The following NVL variants were observed in gnomAD, a reference collection of about 807,000 sequenced individuals.
The protein encoded by NVL is nuclear valosin-containing protein-like.
Under a neutral mutation model 110.2 loss-of-function variants are expected in NVL, and 84 were observed. That is an observed-to-expected ratio of 0.76 (90% CI 0.64 to 0.91). NVL has a LOEUF of 0.91. Ranked by LOEUF, NVL falls within the 40% of genes least tolerant of loss-of-function variation. The pLI is 0.00. For synonymous variants in NVL, 354 were observed against 361.1 expected, an observed-to-expected ratio of 0.98 and a Z score of 0.22; for missense variants, 882 against 1,035.9, an observed-to-expected ratio of 0.85 and a Z score of 2.04.
intron 18 of NVL, among the ~76,000 whole-genome samples, chr1:224,259,186 TCAAG>T (rs1663655312): frequency 6.6e-6 from 1 of 151,760 alleles, no homozygotes; most frequent in Non-Finnish European, 1.5e-5. Flanking sequence ...CCTTCTAGGT[TCAAG>T]CGATTCTCCT....
intron 4 of NVL, among the ~76,000 whole-genome samples, chr1:224,316,736 G>A (rs1261627685): frequency 2.0e-5 from 3 of 151,812 alleles, no homozygotes; most frequent in Admixed American, 6.6e-5. Flanking sequence ...ATTGCAAAGC[G>A]GAACAAGAAG....
intron 18 of NVL, among the ~76,000 whole-genome samples, chr1:224,259,468 A>G (rs956855999): frequency 6.6e-6 from 1 of 152,172 alleles, no homozygotes; most frequent in Non-Finnish European, 1.5e-5. Context: ...ATTGAATGAT[A>G]TACTTAAAAT....
At chr1:224,250,095 G>T in intron 19 of NVL, 117 bp downstream of exon 19, 1 of 965,442 alleles carries the variant, frequency 1.0e-6, no homozygotes, top group Non-Finnish European at 1.5e-6. Flanking sequence ...ATATAGGCTG[G>T]GCAAACACAG....
Position 224,231,221 on chromosome 1 carries a change from CT to C in NVL, c.2526+4del. 1.2e-6 allele frequency: 2 copies of C among 1,603,412 alleles called. No individual in the cohort carries two copies. Among genetic ancestry groups the C allele is most frequent in the Non-Finnish European group, 1.7e-6 (2 of 1,171,800 alleles). On this transcript the variant is annotated splice_donor_region_variant and intron_variant, in intron 22 of 22. Coordinates refer to ENST00000281701, the MANE Select transcript of NVL (RefSeq NM_002533.4). ...TTTCTCTATGCATTTAATGGCATTG[CT>C]TACCTTTTTTGATATAGATGATCTT...
At chr1:224,251,475 T>TA (rs1047779552) in intron 18 of NVL, among the ~76,000 whole-genome samples, 12 of 151,516 alleles carry the variant, frequency 7.9e-5, no homozygotes, top group Admixed American at 5.9e-4. Context: ...CTGTGCCTAC[T>TA]AAAAAAAACA....
intron 17 of NVL, among the ~76,000 whole-genome samples, chr1:224,270,487 G>A (rs1571898039): frequency 6.6e-6 from 1 of 152,182 alleles, no homozygotes; most frequent in East Asian, 1.9e-4. Context: ...GAACCCGGGA[G>A]GCGGAGGCTG....
At chr1:224,288,618 T>A (rs1201077499) in intron 13 of NVL, among the ~76,000 whole-genome samples, 1 of 152,136 alleles carries the variant, frequency 6.6e-6, no homozygotes, top group Non-Finnish European at 1.5e-5. Context: ...TTCAAATGTC[T>A]AAGAAAAAAA....
At chr1:224,322,773 G>A (rs745602197) in intron 2 of NVL, among the ~76,000 whole-genome samples, 1 of 152,154 alleles carries the variant, frequency 6.6e-6, no homozygotes, top group Non-Finnish European at 1.5e-5. Context: ...GGGCAACACA[G>A]TGAAACCCTG....
chr1:224,316,574 AAGG>A (rs76174020), intron 4 of NVL, among the ~76,000 whole-genome samples: 137,959 of 150,192 alleles, frequency 0.92, 63,585 homozygotes, highest in Middle Eastern at 0.98. Flanking sequence ...TGGGAGGCTG[AAGG>A]AGAAGAATCA....
chr1:224,275,229 A>T (rs1665638038), intron 17 of NVL, 110 bp downstream of exon 17: 3 of 1,222,824 alleles, frequency 2.5e-6, no homozygotes, highest in Admixed American at 4.1e-5. Context: ...GTCTTCATTA[A>T]GAGTCTCAAT....
intron 2 of NVL, among the ~76,000 whole-genome samples, chr1:224,319,059 G>A (rs1320572742): frequency 6.9e-6 from 1 of 144,516 alleles, no homozygotes; most frequent in East Asian, 2.1e-4. Context: ...GGAGGCTGAG[G>A]CAGGAGAATC....
At chr1:224,285,882 G>T in intron 15 of NVL, 144 bp downstream of exon 15, 1 of 581,778 alleles carries the variant, frequency 1.7e-6, no homozygotes, top group Non-Finnish European at 3.0e-6. Flanking sequence ...AAACTTTAAT[G>T]AAGAAAGTTG....
chr1:224,272,304 C>T (rs1303951511), intron 17 of NVL, among the ~76,000 whole-genome samples: 1 of 151,300 alleles, frequency 6.6e-6, no homozygotes, highest in Non-Finnish European at 1.5e-5. Context: ...GAGATCGCGC[C>T]ACTGCACTCC....
At chr1:224,247,395 C>G (rs1002430051) in intron 19 of NVL, among the ~76,000 whole-genome samples, 1 of 151,908 alleles carries the variant, frequency 6.6e-6, no homozygotes, top group Non-Finnish European at 1.5e-5. Context: ...CTTGGCCAGG[C>G]GCAGTGGCTC....
chr1:224,302,845 T>C (rs2102694464), intron 9 of NVL: 1 of 237,238 alleles, frequency 4.2e-6, no homozygotes, highest in South Asian at 3.7e-5. Context: ...AGGCCAGGAG[T>C]TTAAGACCAG....
intron 18 of NVL, among the ~76,000 whole-genome samples, chr1:224,251,139 TGGCACACACC>T (rs1317440435): frequency 6.6e-6 from 1 of 151,428 alleles, no homozygotes; most frequent in African/African-American, 2.4e-5. Context: ...CCAGGTGTGA[TGGCACACACC>T]TGTAATCCCA....
At chr1:224,287,392 G>GA (rs1666971098) in intron 14 of NVL, among the ~76,000 whole-genome samples, 2 of 152,016 alleles carry the variant, frequency 1.3e-5, no homozygotes, top group South Asian at 4.2e-4. Context: ...ACAGCTAGAA[G>GA]AAAAAAGTAT....
intron 16 of NVL, 60 bp from the exon 17 acceptor site, chr1:224,275,518 A>G (rs943178040): frequency 1.7e-5 from 28 of 1,605,452 alleles, no homozygotes; most frequent in Non-Finnish European, 2.2e-5. Context: ...TTTGGGTCAA[A>G]TGATACTAAA....
In NVL at chr1:224,250,218, GAT is replaced by G; in HGVS notation, c.2281_2282del (p.Ile761HisfsTer21). 1 of 1,610,278 alleles carries G rather than the reference GAT, an allele frequency of 6.2e-7. No individual in the cohort carries two copies. Among genetic ancestry groups the G allele is most frequent in the Non-Finnish European group, 8.5e-7 (1 of 1,178,784 alleles). ...TACCATTTCCTTTACTCACTTTTGT[GAT>G]AGTTTTTAAGATGGCAAGGCGATCT... ...PADRLAILKTITKNGTKPPLD... is the reference protein window; with the variant it reads ...PADRLAILKTXTKNGTKPPLD... On this transcript the variant is annotated frameshift_variant, in exon 19 of 23. Coordinates refer to ENST00000281701, the MANE Select transcript of NVL (RefSeq NM_002533.4). LOFTEE classifies it high-confidence loss of function.
Sources: gnomAD v4.1 joint callset for allele counts (sites outside exome capture counted in the v4.1 genomes callset) on GRCh38, gnomAD v4.1.1 for gene constraint, MANE v1.5 for transcripts, NCBI Gene and HGNC (gene_info 2026-07-23, HGNC 2026-07-21) for gene names.